The following TBC1D12 variants were observed in gnomAD, a reference collection of about 807,000 sequenced individuals.
The protein encoded by TBC1D12 is TBC1 domain family member 12.
TBC1D12 carries 56 observed loss-of-function variants against 86.7 expected under a neutral mutation model. The ratio of observed to expected loss-of-function variants is 0.65; its 90% confidence interval spans 0.52 to 0.81. TBC1D12 has a LOEUF of 0.81. Ranked by LOEUF, TBC1D12 falls within the 30% of genes least tolerant of loss-of-function variation. TBC1D12 has a pLI of 0.00. For synonymous variants in TBC1D12, 421 were observed against 411.7 expected (o/e 1.02, Z -0.27); for missense variants, 1,023 against 1,038.8 (o/e 0.98, Z 0.21).
chr10:94,512,502 ATATT>A (rs2056538989), intron 9 of TBC1D12, among the ~76,000 whole-genome samples: 1 of 152,206 alleles, frequency 6.6e-6, no homozygotes, highest in Non-Finnish European at 1.5e-5. Flanking sequence ...TACTCAACAA[ATATT>A]TATTGTGCTC....
Position 94,474,681 on chromosome 10 carries a change from G to A in TBC1D12, c.1109G>A (p.Arg370Gln), listed in dbSNP as rs748325797. ...SKIIQQEYEA[R>Q]TGRTCKPPPQ... ...AATTTACTCTAGGAATATGAAGCAC[G>A]AACGGGGAGGACCTGTAAACCACCA... Residue 370 changes from arginine to glutamine, a missense_variant, in exon 3 of 13, where the codon CGA becomes CAA. By Grantham distance (43) the Arg-to-Gln change is conservative. Around this residue, in one of 2 missense-constraint regions of TBC1D12, gnomAD observed 395 missense variants for 507.7 expected, o/e 0.78. Transcript: ENST00000225235. 5.0e-6 allele frequency: 8 copies of A among 1,613,930 alleles called. No individual in the cohort carries two copies. Among genetic ancestry groups the A allele is most frequent in the Non-Finnish European group, 5.9e-6 (7 of 1,179,952 alleles).
intron 1 of TBC1D12, among the ~76,000 whole-genome samples, chr10:94,439,303 A>C (rs892274055): frequency 3.5e-4 from 53 of 152,194 alleles, no homozygotes; most frequent in Admixed American, 1.5e-3. Flanking sequence ...CCATGGTGAC[A>C]AAGATTTTTT....
chr10:94,476,478 T>C (rs2055990026), intron 3 of TBC1D12, among the ~76,000 whole-genome samples: 2 of 152,090 alleles, frequency 1.3e-5, no homozygotes, highest in South Asian at 4.1e-4. Context: ...GGGATGAAAA[T>C]GAACCAGGCC....
intron 1 of TBC1D12, among the ~76,000 whole-genome samples, chr10:94,430,918 T>A (rs891628771): frequency 6.6e-6 from 1 of 152,224 alleles, no homozygotes; most frequent in Non-Finnish European, 1.5e-5. Context: ...AACTCCTTTT[T>A]GCTAAAAAGA....
intron 2 of TBC1D12, among the ~76,000 whole-genome samples, chr10:94,459,691 G>A (rs758822219): frequency 6.6e-6 from 1 of 152,176 alleles, no homozygotes; most frequent in Non-Finnish European, 1.5e-5. Context: ...GGCACGGGCA[G>A]GCTGGCAGTG....
At chr10:94,502,006 G>C (rs537651896) in intron 6 of TBC1D12, among the ~76,000 whole-genome samples, 22 of 151,974 alleles carry the variant, frequency 1.4e-4, no homozygotes, top group African/African-American at 5.1e-4. Context: ...TCCAAACAGG[G>C]CTACAGAGCA....
chr10:94,442,056 T>G, intron 2 of TBC1D12, 37 bp downstream of exon 2: 2 of 1,550,290 alleles, frequency 1.3e-6, no homozygotes, highest in Non-Finnish European at 1.7e-6. Context: ...TACCCTAGCT[T>G]TTCAAGCATT....
At chr10:94,477,172 G>T (rs1443721663) in intron 3 of TBC1D12, among the ~76,000 whole-genome samples, 2 of 152,072 alleles carry the variant, frequency 1.3e-5, no homozygotes, top group African/African-American at 2.4e-5. Flanking sequence ...GTTTCTGTGT[G>T]TTTGCTCCTT....
In TBC1D12 at chr10:94,497,042, T is replaced by G; in HGVS notation, c.1295-13T>G. Reference sequence around the variant, plus strand: ...TTATTTGTATTGAAATAATTTTTACTCGTTTAAAACAGAAATTAAGGAAGC... The same window carrying G: ...TTATTTGTATTGAAATAATTTTTACGCGTTTAAAACAGAAATTAAGGAAGC... On this transcript the variant is annotated splice_polypyrimidine_tract_variant and intron_variant, in intron 4 of 12. Transcript: ENST00000225235. 6.7e-7 allele frequency: 1 copy of G among 1,493,026 alleles called. No individual in the cohort carries two copies. The highest frequency in any genetic ancestry group is 1.2e-5 in the South Asian group (1 of 81,416). 92.5% of individuals were successfully genotyped at this position (1,493,026 alleles called of 1,614,324 possible). A position where few individuals can be genotyped will look rare whatever the true frequency, so the allele number is the denominator to read the frequency against.
chr10:94,487,966 T>G (rs777688124), intron 3 of TBC1D12, among the ~76,000 whole-genome samples: 47 of 152,106 alleles, frequency 3.1e-4, no homozygotes, highest in Non-Finnish European at 5.0e-4. Flanking sequence ...CCCAAAGTGC[T>G]GGGATTATAG....
intron 3 of TBC1D12, among the ~76,000 whole-genome samples, chr10:94,481,599 G>T (rs1029627510): frequency 1.3e-5 from 2 of 152,162 alleles, no homozygotes; most frequent in African/African-American, 4.8e-5. Context: ...GTGGACTTTG[G>T]CTTATGCAAA....
chr10:94,407,675 CA>C (rs35188808), intron 1 of TBC1D12, among the ~76,000 whole-genome samples: 80 of 138,356 alleles, frequency 5.8e-4, no homozygotes, highest in South Asian at 6.8e-4. Context: ...GATTCCGTCT[CA>C]AAAAAAAAAA....
intron 1 of TBC1D12, among the ~76,000 whole-genome samples, chr10:94,431,747 A>T (rs1428248910): frequency 1.3e-5 from 2 of 152,128 alleles, no homozygotes; most frequent in Non-Finnish European, 2.9e-5. Context: ...TCCTGTGGGG[A>T]TGGGGAGCAG....
chr10:94,403,692 C>A, intron 1 of TBC1D12, 108 bp downstream of exon 1: 2 of 1,308,864 alleles, frequency 1.5e-6, no homozygotes, highest in Non-Finnish European at 2.0e-6. Flanking sequence ...AGAGCTTGGT[C>A]GGCCGCTTCC....
chr10:94,522,166 A>G, intron 10 of TBC1D12, 83 bp downstream of exon 10: 1 of 1,459,670 alleles, frequency 6.9e-7, no homozygotes, highest in East Asian at 2.3e-5. Flanking sequence ...AGGCCAAAAC[A>G]ATCTAATCTA....
chr10:94,428,867 G>C (rs2055180089), intron 1 of TBC1D12, among the ~76,000 whole-genome samples: 1 of 151,986 alleles, frequency 6.6e-6, no homozygotes, highest in Admixed American at 6.6e-5. Flanking sequence ...ATGCCACCAT[G>C]CCTGGCTGAT....
rs1040804090 is a variant in TBC1D12, at chr10:94,453,473, TTTA to T, written c.1095+11460_1095+11462del. 6.6e-5 allele frequency among the ~76,000 whole-genome samples: 10 copies of T among 152,274 alleles called. 1 individual carries two copies. The highest frequency in any genetic ancestry group is 4.1e-4 in the South Asian group (2 of 4,828). ...TAGAATTTTGTTATAATTGCTCTAT[TTTA>T]TTATTGTTAATGTCTTACTGTGTCT... On this transcript the variant is annotated intron_variant, in intron 2 of 12. Coordinates refer to ENST00000225235, the MANE Select transcript of TBC1D12 (RefSeq NM_015188.2).
At chr10:94,508,768 G>T (rs1479545130) in intron 7 of TBC1D12, 1 of 152,004 alleles carries the variant, frequency 6.6e-6, no homozygotes. Context: ...ATAACAGATA[G>T]TGTCATTGCC....
chr10:94,442,962 G>T (rs756210757), intron 2 of TBC1D12, among the ~76,000 whole-genome samples: 12 of 151,732 alleles, frequency 7.9e-5, no homozygotes, highest in Non-Finnish European at 1.3e-4. Flanking sequence ...TCTTCTTTTT[G>T]CATTTGAATA....
Sources: gnomAD v4.1 joint callset for allele counts (sites outside exome capture counted in the v4.1 genomes callset) on GRCh38, gnomAD v4.1.1 for gene constraint, gnomAD v4.1.1 regional missense constraint, MANE v1.5 for transcripts, NCBI Gene and HGNC (gene_info 2026-07-23, HGNC 2026-07-21) for gene names.